The following DCC variants were observed in gnomAD, a reference collection of about 807,000 sequenced individuals.
DCC encodes netrin receptor DCC.
A neutral mutation model predicts 172.5 loss-of-function variants in DCC; 58 were observed. The ratio of observed to expected loss-of-function variants is 0.34; its 90% CI spans 0.27 to 0.42. DCC has a LOEUF of 0.42. Ranked by LOEUF, DCC falls within the 10% of genes least tolerant of loss-of-function variation. DCC has a pLI of 1.00. For synonymous variants in DCC, 709 were observed against 644.5 expected, an observed-to-expected ratio of 1.10 and a Z score of -1.52; for missense variants, 1,740 against 1,791.0, an observed-to-expected ratio of 0.97 and a Z score of 0.51.
chr18:52,866,622 C>G (rs989953994), intron 2 of DCC, among the ~76,000 whole-genome samples: 28 of 152,172 alleles, frequency 1.8e-4, no homozygotes, highest in African/African-American at 6.5e-4. Context: ...AGTTGTATTA[C>G]TAGGTATTTT....
In DCC at chr18:52,793,679, T is replaced by C. The variant is rs146276820; in HGVS notation, c.412+41305T>C. ...ATGTATCTATTTTGGTTTTGTTGCCTGTATTATAAAGTCTTGGCCATAAAA... is the reference window on the plus strand; with the variant it reads ...ATGTATCTATTTTGGTTTTGTTGCCCGTATTATAAAGTCTTGGCCATAAAA... On this transcript the variant is annotated intron_variant, in intron 2 of 28. Transcript: ENST00000442544. Among the ~76,000 whole-genome samples, 423 of 152,316 alleles carry C rather than the reference T, an allele frequency of 2.8e-3. 4 individuals carry two copies. The highest frequency in any genetic ancestry group is 9.7e-3 in the African/African-American group (403 of 41,576).
chr18:53,016,073 G>A (rs2041804259), intron 5 of DCC, among the ~76,000 whole-genome samples: 1 of 152,000 alleles, frequency 6.6e-6, no homozygotes, highest in African/African-American at 2.4e-5. Flanking sequence ...TGTCACTTTT[G>A]AGAATACATA....
chr18:53,269,719 G>C (rs955368954), intron 12 of DCC, among the ~76,000 whole-genome samples: 1 of 152,022 alleles, frequency 6.6e-6, no homozygotes, highest in Non-Finnish European at 1.5e-5. Flanking sequence ...AGGAAACTGA[G>C]GCAAAGAAAT....
intron 21 of DCC, among the ~76,000 whole-genome samples, chr18:53,432,830 C>T (rs567844009): frequency 7.4e-4 from 112 of 152,096 alleles, no homozygotes; most frequent in African/African-American, 2.6e-3. Context: ...GGAAACTTAA[C>T]ATCACTCAAA....
intron 1 of DCC, among the ~76,000 whole-genome samples, chr18:52,471,170 C>G (rs1228471): frequency 1 from 152,263 of 152,264 alleles, 76,131 homozygotes; most frequent in Non-Finnish European, 1. Context: ...GGGCAACATA[C>G]CAAGACCCCG....
At chr18:53,456,261 T>A (rs1429590464) in intron 23 of DCC, among the ~76,000 whole-genome samples, 1 of 152,072 alleles carries the variant, frequency 6.6e-6, no homozygotes, top group Non-Finnish European at 1.5e-5. Context: ...ATTAAATAAG[T>A]AAACAAACAA....
intron 1 of DCC, among the ~76,000 whole-genome samples, chr18:52,423,402 G>A (rs1229047561): frequency 6.6e-6 from 1 of 152,056 alleles, no homozygotes; most frequent in African/African-American, 2.4e-5. Flanking sequence ...TCTGACCATT[G>A]GACCATGAAA....
chr18:52,883,183 G>A (rs558146200), intron 2 of DCC, among the ~76,000 whole-genome samples: 2 of 151,856 alleles, frequency 1.3e-5, no homozygotes, highest in Non-Finnish European at 2.9e-5. Flanking sequence ...ACAGATCATT[G>A]GGTCTCATGT....
chr18:53,047,498 A>T (rs866614881), intron 5 of DCC, among the ~76,000 whole-genome samples: 38 of 106,412 alleles, frequency 3.6e-4, no homozygotes, highest in African/African-American at 1.3e-3. Flanking sequence ...TTTTTTATTA[A>T]ACTGAGAAGT....
chr18:52,736,617 G>A (rs922414224), intron 1 of DCC, among the ~76,000 whole-genome samples: 1 of 152,042 alleles, frequency 6.6e-6, no homozygotes, highest in Non-Finnish European at 1.5e-5. Flanking sequence ...AATAGGGTTG[G>A]CTAATATTAT....
chr18:53,520,942 T>C (rs904318388), intron 27 of DCC, among the ~76,000 whole-genome samples: 1 of 152,038 alleles, frequency 6.6e-6, no homozygotes, highest in African/African-American at 2.4e-5. Context: ...CTGCTGACAA[T>C]GAACTCTGGG....
chr18:52,871,689 A>G (rs2039321689), intron 2 of DCC, among the ~76,000 whole-genome samples: 1 of 152,130 alleles, frequency 6.6e-6, no homozygotes, highest in South Asian at 2.1e-4. Flanking sequence ...TCCTGGGCTC[A>G]AGCAGTCATC....
chr18:53,186,105 C>A, intron 9 of DCC, among the ~76,000 whole-genome samples: 1 of 152,080 alleles, frequency 6.6e-6, no homozygotes, highest in East Asian at 1.9e-4. Context: ...TTTCTCTTTT[C>A]TTTTGAGCAC....
At chr18:53,382,105 C>CACCCCT (rs1555661810) in intron 15 of DCC, among the ~76,000 whole-genome samples, 2 of 51,774 alleles carry the variant, frequency 3.9e-5, no homozygotes, top group African/African-American at 8.7e-5. Context: ...CACACACACA[C>CACCCCT]CCCTACCTCC....
chr18:52,636,416 G>A (rs142400354), intron 1 of DCC, among the ~76,000 whole-genome samples: 1 of 152,202 alleles, frequency 6.6e-6, no homozygotes, highest in East Asian at 1.9e-4. Context: ...TTTAGCAGCT[G>A]GGAGGCGGAT....
Position 52,340,846 on chromosome 18 carries a change from C to T in DCC, c.59C>T (p.Ala20Val). The T allele has an allele frequency of 6.2e-7, 1 of 1,614,056 alleles. No homozygotes were observed. Among genetic ancestry groups the T allele is most frequent in the South Asian group, 1.1e-5 (1 of 91,066 alleles). ...AAGCTGGCTTTTGTACTCTTCGGAG[C>T]TTCCTTGTTCAGCGCGCATCTTCAA... ...VPKLAFVLFG[A>V]SLFSAHLQVT... Residue 20 changes from alanine (A) to valine (V), a missense_variant, in exon 1 of 29, where the codon GCT (alanine) becomes GTT (valine). Physicochemically the swap from Ala to Val is moderately conservative, Grantham distance 64 (BLOSUM62 0). Coordinates refer to ENST00000442544, the MANE Select transcript of DCC (RefSeq NM_005215.4).
intron 1 of DCC, among the ~76,000 whole-genome samples, chr18:52,552,084 A>C (rs2032791256): frequency 6.6e-6 from 1 of 152,126 alleles, no homozygotes; most frequent in Non-Finnish European, 1.5e-5. Flanking sequence ...ATTCCAAGTG[A>C]GAAACCACTC....
intron 9 of DCC, among the ~76,000 whole-genome samples, chr18:53,203,921 T>G (rs1036211854): frequency 2.6e-5 from 4 of 152,134 alleles, no homozygotes; most frequent in East Asian, 3.8e-4. Context: ...AATACAAAAT[T>G]ATGAAAAAAT....
rs1348951225 is a variant in DCC, at chr18:52,677,721, A to AAAT, written c.92-74331_92-74329dup. Among the ~76,000 whole-genome samples the AAAT allele has an allele frequency of 2.0e-5, 3 of 152,092 alleles. No homozygotes were observed. The East Asian group carries it at 5.8e-4, about 29-fold the overall frequency. On this transcript the variant is annotated intron_variant, in intron 1 of 28. Transcript: ENST00000442544. ...TGTTTCTTGCATTTGCTTTCTGACA[A>AAAT]AATAGAGAAGAAAAAAAATTTCTTT... is the stretch of plus-strand genomic sequence containing the variant.
Sources: gnomAD v4.1 joint callset for allele counts (sites outside exome capture counted in the v4.1 genomes callset) on GRCh38, gnomAD v4.1.1 for gene constraint, MANE v1.5 for transcripts, NCBI Gene and HGNC (gene_info 2026-07-23, HGNC 2026-07-21) for gene names.